The following NAV3 variants were observed in gnomAD, a reference collection of about 807,000 sequenced individuals.
The protein encoded by NAV3 is neuron navigator 3.
NAV3 carries 87 observed loss-of-function variants against 244.7 expected under a neutral mutation model. That is an observed-to-expected ratio of 0.36 (90% CI 0.30 to 0.42). NAV3 has a LOEUF of 0.42. Among genes scored for constraint, NAV3 ranks in the 20% least tolerant of loss-of-function variants. The pLI is 1.00. For missense variants in NAV3, 2,663 were observed against 2,893.3 expected, an observed-to-expected ratio of 0.92 and a Z score of 1.83; for synonymous variants, 1,126 against 1,042.2, an observed-to-expected ratio of 1.08 and a Z score of -1.55.
intron 5 of NAV3, among the ~76,000 whole-genome samples, chr12:77,974,510 G>A (rs1252262818): frequency 3.3e-5 from 5 of 151,734 alleles, no homozygotes; most frequent in African/African-American, 9.7e-5. Flanking sequence ...GTTGGCCATG[G>A]TGGTCTCAAG....
At chr12:78,065,395 T>C (rs1047080779) in intron 12 of NAV3, among the ~76,000 whole-genome samples, 3 of 152,154 alleles carry the variant, frequency 2.0e-5, no homozygotes, top group African/African-American at 7.2e-5. Context: ...CTCTGCACTG[T>C]GCAAGCTAGG....
chr12:77,586,049 G>C (rs696450), intron 2 of NAV3, among the ~76,000 whole-genome samples: 86,447 of 151,240 alleles, frequency 0.57, 24,911 homozygotes, highest in Middle Eastern at 0.75. Context: ...GTAGTCCCAG[G>C]TACTCGGGAG....
intron 2 of NAV3, among the ~76,000 whole-genome samples, chr12:77,582,007 T>C (rs1458401502): frequency 1.3e-5 from 2 of 152,202 alleles, no homozygotes; most frequent in Non-Finnish European, 2.9e-5. Flanking sequence ...TGCATTTTCT[T>C]CCATTCTTAC....
chr12:77,971,796 A>G (rs929618734), intron 5 of NAV3, among the ~76,000 whole-genome samples: 13 of 152,026 alleles, frequency 8.6e-5, no homozygotes, highest in African/African-American at 3.1e-4. Context: ...ATGTTCTTAT[A>G]TTTTTCTCTG....
chr12:77,694,864 G>A (rs1374461989), intron 2 of NAV3, among the ~76,000 whole-genome samples: 1 of 152,130 alleles, frequency 6.6e-6, no homozygotes, highest in Non-Finnish European at 1.5e-5. Flanking sequence ...TTGAGTGTCA[G>A]ATCCATGAGA....
intron 1 of NAV3, among the ~76,000 whole-genome samples, chr12:77,925,845 G>A (rs536930269): frequency 6.6e-6 from 1 of 152,130 alleles, no homozygotes; most frequent in Non-Finnish European, 1.5e-5. Flanking sequence ...CTAGATGACA[G>A]ATCTCACCAA....
At chr12:78,081,102 G>A (rs300475) in intron 12 of NAV3, among the ~76,000 whole-genome samples, 28,348 of 152,134 alleles carry the variant, frequency 0.19, 2,663 homozygotes, top group South Asian at 0.23. Context: ...ATCAGGCTAT[G>A]TAAGTCTTTT....
chr12:78,075,237 G>C (rs1952986091), intron 12 of NAV3, among the ~76,000 whole-genome samples: 1 of 152,156 alleles, frequency 6.6e-6, no homozygotes, highest in Admixed American at 6.6e-5. Flanking sequence ...ATCATAAAAA[G>C]GGGATTTAGA....
chr12:77,737,168 G>C (rs1450807010), intron 2 of NAV3, among the ~76,000 whole-genome samples: 1 of 150,182 alleles, frequency 6.7e-6, no homozygotes, highest in African/African-American at 2.5e-5. Context: ...GTTTCTGTTG[G>C]TGTTCAGGTA....
chr12:77,634,738 T>A (rs1176014275), intron 2 of NAV3, among the ~76,000 whole-genome samples: 1 of 152,128 alleles, frequency 6.6e-6, no homozygotes, highest in Non-Finnish European at 1.5e-5. Flanking sequence ...AATTCAGTGG[T>A]AATTTTTTTA....
Position 78,122,154 on chromosome 12 carries a change from G to A in NAV3, c.3964G>A (p.Val1322Ile), listed in dbSNP as rs777790832. The A allele has an allele frequency of 1.9e-6, 3 of 1,614,028 alleles. No homozygotes were observed. Among genetic ancestry groups the A allele is most frequent in the African/African-American group, 1.3e-5 (1 of 74,924 alleles). ...FNKPSDLTTD[V>I]ISLSHSLASS... is the part of the protein sequence containing the mutation. ...TAAACCCTCAGACTTAACTACAGAT[G>A]TTATAAGCTTAAGTCACTCGTTGGC... Residue 1322 changes from valine to isoleucine, a missense_variant, in exon 16 of 40, where the codon GTT becomes ATT. By Grantham distance (29) the Val-to-Ile change is conservative. Around this residue, in one of 6 missense-constraint regions of NAV3, gnomAD observed 354 missense variants for 413.0 expected, o/e 0.86. Coordinates refer to ENST00000397909, the MANE Select transcript of NAV3 (RefSeq NM_001024383.2).
intron 2 of NAV3, among the ~76,000 whole-genome samples, chr12:77,654,724 C>T (rs1170891352): frequency 1.3e-5 from 2 of 152,120 alleles, no homozygotes; most frequent in Admixed American, 1.3e-4. Context: ...GGCAGACTGA[C>T]ACCTCACATG....
intron 2 of NAV3, among the ~76,000 whole-genome samples, chr12:77,682,532 C>T (rs1874520376): frequency 1.3e-5 from 2 of 152,098 alleles, no homozygotes; most frequent in Admixed American, 1.3e-4. Flanking sequence ...AATAGAAATG[C>T]TGGATCATAT....
intron 2 of NAV3, among the ~76,000 whole-genome samples, chr12:77,734,106 A>G (rs1877237878): frequency 6.6e-6 from 1 of 152,048 alleles, no homozygotes; most frequent in South Asian, 2.1e-4. Flanking sequence ...TCAATGGGAT[A>G]GCATCCAGAG....
At chr12:77,778,523 A>T (rs1231986179) in intron 2 of NAV3, among the ~76,000 whole-genome samples, 1 of 151,470 alleles carries the variant, frequency 6.6e-6, no homozygotes, top group African/African-American at 2.4e-5. Context: ...GAGGCAGGAG[A>T]ATGGCGTGAA....
chr12:77,742,163 C>T (rs1445407644), intron 2 of NAV3, among the ~76,000 whole-genome samples: 1 of 151,914 alleles, frequency 6.6e-6, no homozygotes, highest in Non-Finnish European at 1.5e-5. Context: ...TGTCCTATTG[C>T]ATAATTCTTA....
chr12:77,994,610 A>G (rs1872037922), intron 5 of NAV3, among the ~76,000 whole-genome samples, 193 bp from the exon 6 acceptor site: 1 of 152,212 alleles, frequency 6.6e-6, no homozygotes, highest in Admixed American at 6.5e-5. Context: ...GCATTATTTC[A>G]TAGTACATTC....
intron 2 of NAV3, among the ~76,000 whole-genome samples, chr12:77,608,181 C>T (rs1870755376): frequency 1.3e-5 from 2 of 152,058 alleles, no homozygotes; most frequent in Admixed American, 6.6e-5. Flanking sequence ...GGGTATGTCA[C>T]TGCATTTATA....
At chr12:78,127,704 A>G (rs1955978149) in intron 17 of NAV3, among the ~76,000 whole-genome samples, 1 of 152,222 alleles carries the variant, frequency 6.6e-6, no homozygotes, top group South Asian at 2.1e-4. Context: ...GAATCAAAGA[A>G]AACATATTTT....
Sources: gnomAD v4.1 joint callset for allele counts (sites outside exome capture counted in the v4.1 genomes callset) on GRCh38, gnomAD v4.1.1 for gene constraint, gnomAD v4.1.1 regional missense constraint, MANE v1.5 for transcripts, NCBI Gene and HGNC (gene_info 2026-07-23, HGNC 2026-07-21) for gene names.